Variants in TXLNB observed in about 807,000 individuals in gnomAD.
TXLNB encodes the protein beta-taxilin.
In TXLNB, 37 loss-of-function variants were observed where a neutral mutation model predicts 57.4. The ratio of observed to expected loss-of-function variants is 0.64; its 90% CI spans 0.50 to 0.85. The LOEUF (loss-of-function observed/expected upper bound fraction) is 0.85, where lower values mean the gene tolerates loss of function less well. Among genes scored for constraint, TXLNB ranks in the 40% least tolerant of loss-of-function variants. The probability of loss-of-function intolerance (pLI) is 0.00; values close to 1 mark genes in which losing one functional copy is unlikely to be tolerated. For synonymous variants in TXLNB, 302 were observed against 309.6 expected, an observed-to-expected ratio of 0.98 and a Z score of 0.26; for missense variants, 848 against 825.6, an observed-to-expected ratio of 1.03 and a Z score of -0.33.
chr6:139,259,743 T>C (rs760620987), intron 6 of TXLNB, among the ~76,000 whole-genome samples: 1 of 152,204 alleles, frequency 6.6e-6, no homozygotes, highest in Non-Finnish European at 1.5e-5. Flanking sequence ...TTCACGGCTA[T>C]GTCCCCGCAC....
At chr6:139,273,692 A>G (rs1776824651) in intron 3 of TXLNB, among the ~76,000 whole-genome samples, 1 of 152,202 alleles carries the variant, frequency 6.6e-6, no homozygotes, top group African/African-American at 2.4e-5. Context: ...TCCTGAGCTC[A>G]AGCAATCTGC....
chr6:139,217,263 C>T, the TXLNB span, among the ~76,000 whole-genome samples: 1,895 of 152,154 alleles, frequency 0.012, 21 homozygotes, highest in South Asian at 0.045. Context: ...CTTTTGACTG[C>T]ATCATGGGAA....
At chr6:139,300,064 GTTC>G in the TXLNB span, among the ~76,000 whole-genome samples, 1 of 152,090 alleles carries the variant, frequency 6.6e-6, no homozygotes, top group Non-Finnish European at 1.5e-5. Flanking sequence ...AGGGTCAGAA[GTTC>G]TTCTCTCCCT....
the TXLNB span, among the ~76,000 whole-genome samples, chr6:139,214,645 A>C: frequency 6.6e-6 from 1 of 152,172 alleles, no homozygotes; most frequent in Non-Finnish European, 1.5e-5. Flanking sequence ...CAGGCAGGAG[A>C]AGGAAATAAA....
the TXLNB span, among the ~76,000 whole-genome samples, chr6:139,172,123 G>A: frequency 2.0e-5 from 3 of 151,978 alleles, no homozygotes; most frequent in African/African-American, 4.8e-5. Flanking sequence ...GAGCCACTGC[G>A]CCCAGCCCTA....
chr6:139,209,991 T>C, the TXLNB span, among the ~76,000 whole-genome samples: 5 of 152,030 alleles, frequency 3.3e-5, no homozygotes, highest in Non-Finnish European at 7.4e-5. Flanking sequence ...ATCCAGAATC[T>C]ACAAGGAACT....
chr6:139,299,775 G>A, the TXLNB span, among the ~76,000 whole-genome samples: 1 of 151,892 alleles, frequency 6.6e-6, no homozygotes, highest in Non-Finnish European at 1.5e-5. Flanking sequence ...GGACTTAGAG[G>A]TCCTGTCTAG....
chr6:139,173,539 C>A, the TXLNB span, among the ~76,000 whole-genome samples: 2 of 152,112 alleles, frequency 1.3e-5, no homozygotes, highest in African/African-American at 2.4e-5. Flanking sequence ...GAATATGAGG[C>A]CACTTAGGAT....
At chr6:139,191,244 C>T in the TXLNB span, among the ~76,000 whole-genome samples, 1 of 152,194 alleles carries the variant, frequency 6.6e-6, no homozygotes, top group South Asian at 2.1e-4. Flanking sequence ...CATGGAGAAA[C>T]CCCATCTCTA....
At chr6:139,294,791 A>G (rs904783580), upstream of TXLNB, among the ~76,000 whole-genome samples, 3 of 152,168 alleles carry the variant, frequency 2.0e-5, no homozygotes, top group African/African-American at 7.2e-5. Flanking sequence ...GGAGTTCAAG[A>G]TCAGCCTGGC....
At chr6:139,218,868 C>T in the TXLNB span, among the ~76,000 whole-genome samples, 1 of 152,136 alleles carries the variant, frequency 6.6e-6, no homozygotes, top group African/African-American at 2.4e-5. Context: ...GCAATGGAAC[C>T]CATGGGAAAA....
chr6:139,308,087 C>A, the TXLNB span, among the ~76,000 whole-genome samples: 1 of 151,964 alleles, frequency 6.6e-6, no homozygotes, highest in Non-Finnish European at 1.5e-5. Context: ...CACACGGCCA[C>A]AATGGCTCTT....
chr6:139,201,618 A>G, the TXLNB span: 1 of 152,214 alleles, frequency 6.6e-6, no homozygotes, highest in South Asian at 2.1e-4. Context: ...AAATCATTTA[A>G]CTAAATTTGT....
the TXLNB span, chr6:139,167,277 C>T: frequency 6.2e-7 from 1 of 1,611,970 alleles, no homozygotes; most frequent in Non-Finnish European, 8.5e-7. Flanking sequence ...TTCCTAAGCC[C>T]GTCGAGACAT....
intron 6 of TXLNB, among the ~76,000 whole-genome samples, chr6:139,257,217 A>T (rs1371302724): frequency 1.3e-5 from 2 of 152,094 alleles, no homozygotes; most frequent in African/African-American, 2.4e-5. Flanking sequence ...GTGTTTAGCG[A>T]TAGTGCTAGA....
At chr6:139,280,499 G>A (rs1261900759) in intron 2 of TXLNB, among the ~76,000 whole-genome samples, 3 of 151,788 alleles carry the variant, frequency 2.0e-5, no homozygotes, top group South Asian at 2.1e-4. Context: ...ACAAAAATTA[G>A]CTGGGCGTGG....
At chr6:139,307,848 A>G in the TXLNB span, among the ~76,000 whole-genome samples, 32 of 152,340 alleles carry the variant, frequency 2.1e-4, no homozygotes, top group South Asian at 2.7e-3. Context: ...ATATCTTAAA[A>G]ACAATTTTGC....
At chr6:139,217,864 C>CA in the TXLNB span, among the ~76,000 whole-genome samples, 4,809 of 50,496 alleles carry the variant, frequency 0.095, 262 homozygotes, top group African/African-American at 0.16. Context: ...GCAAGAGTCT[C>CA]AAAAAAAAAA....
chr6:139,174,540 G>A, the TXLNB span: 2 of 1,613,920 alleles, frequency 1.2e-6, no homozygotes, highest in Non-Finnish European at 1.7e-6. Context: ...ATGTTGTCAG[G>A]TAGGTACTGA....
Sources: allele counts gnomAD v4.1 joint callset (sites outside exome capture counted in the v4.1 genomes callset), GRCh38; gene constraint gnomAD v4.1.1; transcripts MANE v1.5; gene names NCBI Gene and HGNC (gene_info 2026-07-23, HGNC 2026-07-21).